The following GLIS3 variants were observed in gnomAD, a reference collection of about 807,000 sequenced individuals.
The protein encoded by GLIS3 is zinc finger protein GLIS3.
In GLIS3, 53 loss-of-function variants were observed where a neutral mutation model predicts 78.6. The ratio of observed to expected loss-of-function variants is 0.67; its 90% CI spans 0.54 to 0.85. The LOEUF (loss-of-function observed/expected upper bound fraction) is 0.85, where lower values mean the gene tolerates loss of function less well. Ranked by LOEUF, GLIS3 falls within the 40% of genes least tolerant of loss-of-function variation. The pLI is 0.00. For synonymous variants in GLIS3, 684 were observed against 509.9 expected (o/e 1.34, Z -4.60); for missense variants, 1,703 against 1,231.1 (o/e 1.38, Z -5.74).
chr9:3,903,403 T>C (rs948456733), intron 6 of GLIS3, among the ~76,000 whole-genome samples: 1 of 152,222 alleles, frequency 6.6e-6, no homozygotes, highest in African/African-American at 2.4e-5. Flanking sequence ...AAAAGTGGAA[T>C]TTGAAACCAC....
At chr9:4,167,547 G>T (rs562345100) in intron 2 of GLIS3, among the ~76,000 whole-genome samples, 1 of 152,168 alleles carries the variant, frequency 6.6e-6, no homozygotes, top group Non-Finnish European at 1.5e-5. Flanking sequence ...GCCTGACAGA[G>T]TGCTGGTACA....
chr9:3,944,211 C>T (rs1006829800), intron 4 of GLIS3, among the ~76,000 whole-genome samples: 1 of 152,114 alleles, frequency 6.6e-6, no homozygotes, highest in Admixed American at 6.6e-5. Flanking sequence ...TTTCAAGAAG[C>T]CACAAGACAA....
intron 9 of GLIS3, among the ~76,000 whole-genome samples, chr9:3,842,447 G>A (rs1293005622): frequency 2.6e-5 from 4 of 152,182 alleles, no homozygotes; most frequent in African/African-American, 9.7e-5. Context: ...AGTCTAGCCT[G>A]GGGGTCAAAG....
chr9:4,170,689 C>A (rs553587948), intron 2 of GLIS3, among the ~76,000 whole-genome samples: 107 of 152,282 alleles, frequency 7.0e-4, no homozygotes, highest in African/African-American at 2.5e-3. Flanking sequence ...CTCCTTTCTC[C>A]ATTTTGGAAA....
intron 9 of GLIS3, among the ~76,000 whole-genome samples, chr9:3,832,596 G>A (rs1360882704): frequency 1.3e-5 from 2 of 152,216 alleles, no homozygotes; most frequent in Non-Finnish European, 2.9e-5. Context: ...TATAGTTTCA[G>A]TAGTTCCTTG....
chr9:4,462,732 C>G, the GLIS3 span, among the ~76,000 whole-genome samples: 1 of 151,992 alleles, frequency 6.6e-6, no homozygotes, highest in Non-Finnish European at 1.5e-5. Context: ...ATTGCTTCAA[C>G]CCAGAAGTTT....
chr9:4,251,088 T>G (rs1385707924), intron 2 of GLIS3, among the ~76,000 whole-genome samples: 1 of 152,220 alleles, frequency 6.6e-6, no homozygotes, highest in Non-Finnish European at 1.5e-5. Context: ...TTCTGTTGAT[T>G]TGAGGTGGAG....
intron 3 of GLIS3, among the ~76,000 whole-genome samples, chr9:4,124,627 A>G (rs1832432860): frequency 6.6e-6 from 1 of 152,242 alleles, no homozygotes; most frequent in South Asian, 2.1e-4. Context: ...TTTCTATCTC[A>G]TGAAAAAATT....
At chr9:4,174,167 A>G (rs919907431) in intron 2 of GLIS3, among the ~76,000 whole-genome samples, 2 of 152,322 alleles carry the variant, frequency 1.3e-5, no homozygotes, top group African/African-American at 4.8e-5. Flanking sequence ...CAAAGAATAA[A>G]GGTAACTATA....
At chr9:4,320,916 G>C (rs115731367) in intron 2 of GLIS3, among the ~76,000 whole-genome samples, 2,582 of 151,648 alleles carry the variant, frequency 0.017, 73 homozygotes, top group African/African-American at 0.058. Context: ...TGCAAGTTTT[G>C]AAAGTCTGTC....
chr9:4,471,033 G>A, the GLIS3 span, among the ~76,000 whole-genome samples: 2 of 151,526 alleles, frequency 1.3e-5, no homozygotes, highest in Non-Finnish European at 1.5e-5. Context: ...AAATACCTAG[G>A]AATCCAACTT....
chr9:4,178,755 C>T (rs1465265823), intron 2 of GLIS3, among the ~76,000 whole-genome samples: 1 of 152,156 alleles, frequency 6.6e-6, no homozygotes, highest in Non-Finnish European at 1.5e-5. Flanking sequence ...AGAAGTCTTT[C>T]ACTGAAGACA....
chr9:3,905,140 A>ATTTTTTTTTTTTTTTTTTTTTT lies in GLIS3; in HGVS notation c.1984-6306_1984-6305insAAAAAAAAAAAAAAAAAAAAAA, dbSNP rs369063136. On this transcript the variant is annotated intron_variant, in intron 6 of 10. Coordinates refer to ENST00000381971, the MANE Select transcript of GLIS3 (RefSeq NM_001042413.2). ...GGCGCCTGCCGCCACGCCCGGTTAA[A>ATTTTTTTTTTTTTTTTTTTTTT]TTTTTTTCTTTTTTTTTTTTTTGCT... Among the ~76,000 whole-genome samples the ATTTTTTTTTTTTTTTTTTTTTT allele has an allele frequency of 1.0e-4, 11 of 109,120 alleles. 1 individual carries two copies. Among genetic ancestry groups the ATTTTTTTTTTTTTTTTTTTTTT allele is most frequent in the Non-Finnish European group, 1.4e-4 (8 of 55,354 alleles). 71.6% of individuals were successfully genotyped at this position (109,120 alleles called of 152,430 possible). A position where few individuals can be genotyped will look rare whatever the true frequency, so the allele number is the denominator to read the frequency against.
the GLIS3 span, among the ~76,000 whole-genome samples, chr9:4,368,375 C>T: frequency 6.1e-5 from 9 of 148,750 alleles, no homozygotes; most frequent in Admixed American, 4.0e-4. Context: ...GTCTGAGTCT[C>T]GCTCTGTCAC....
chr9:3,879,145 C>T (rs983960060), intron 8 of GLIS3, among the ~76,000 whole-genome samples: 11 of 152,028 alleles, frequency 7.2e-5, no homozygotes, highest in African/African-American at 1.9e-4. Flanking sequence ...TGAAACAGAC[C>T]GATGAAAGGT....
chr9:3,856,606 T>C (rs928738070), intron 8 of GLIS3, among the ~76,000 whole-genome samples: 3 of 152,218 alleles, frequency 2.0e-5, no homozygotes, highest in African/African-American at 2.4e-5. Context: ...AAACATTTTG[T>C]TTGTTTTGTA....
chr9:4,299,170 A>C (rs1264479012), intron 1 of GLIS3, among the ~76,000 whole-genome samples: 1 of 152,198 alleles, frequency 6.6e-6, no homozygotes, highest in East Asian at 1.9e-4. Flanking sequence ...CTCTTAGGCC[A>C]CTGACAGAAA....
intron 6 of GLIS3, among the ~76,000 whole-genome samples, chr9:3,925,953 C>G (rs533612198): frequency 6.6e-6 from 1 of 152,102 alleles, no homozygotes; most frequent in Non-Finnish European, 1.5e-5. Flanking sequence ...CCTACTGAGG[C>G]CATTAAGTGA....
At chr9:4,330,038 T>A (rs566825741) in intron 2 of GLIS3, among the ~76,000 whole-genome samples, 1 of 152,340 alleles carries the variant, frequency 6.6e-6, no homozygotes, top group East Asian at 1.9e-4. Context: ...GGTTTTCACA[T>A]ACCCTTAATG....
Sources: allele counts gnomAD v4.1 joint callset (sites outside exome capture counted in the v4.1 genomes callset), GRCh38; gene constraint gnomAD v4.1.1; transcripts MANE v1.5; gene names NCBI Gene and HGNC (gene_info 2026-07-23, HGNC 2026-07-21).